PREX1: variants seen among roughly 807,000 people sequenced by gnomAD.
PREX1 encodes phosphatidylinositol-3,4,5-trisphosphate dependent Rac exchange factor 1, also known as phosphatidylinositol 3,4,5-trisphosphate-dependent Rac exchanger 1 protein.
PREX1 carries 41 observed loss-of-function variants against 198.3 expected under a neutral mutation model. That is an observed-to-expected ratio of 0.21 (90% CI 0.16 to 0.27). The LOEUF (loss-of-function observed/expected upper bound fraction) is 0.27. Ranked by LOEUF, PREX1 falls within the 10% of genes least tolerant of loss-of-function variation. The pLI is 1.00. For synonymous variants in PREX1, 843 were observed against 887.2 expected (o/e 0.95, Z 0.89); for missense variants, 1,620 against 2,200.7 (o/e 0.74, Z 5.28).
chr20:48,626,277 G>A (rs1257964976), intron 39 of PREX1, among the ~76,000 whole-genome samples: 1 of 152,200 alleles, frequency 6.6e-6, no homozygotes, highest in East Asian at 1.9e-4. Flanking sequence ...TCTATCCTGG[G>A]AAACTCTATA....
chr20:48,689,420 C>T (rs999774761), intron 9 of PREX1, among the ~76,000 whole-genome samples: 2 of 152,192 alleles, frequency 1.3e-5, no homozygotes, highest in Non-Finnish European at 2.9e-5. Context: ...CAGAGAAGTT[C>T]GGTTCTCTGC....
At chr20:48,774,864 G>GA (rs1301535527) in intron 1 of PREX1, among the ~76,000 whole-genome samples, 1 of 152,276 alleles carries the variant, frequency 6.6e-6, no homozygotes, top group East Asian at 1.9e-4. Context: ...GAACTCCATG[G>GA]AAACGCACAG....
At chr20:48,806,744 A>G (rs2090413489) in intron 1 of PREX1, among the ~76,000 whole-genome samples, 1 of 152,224 alleles carries the variant, frequency 6.6e-6, no homozygotes. Flanking sequence ...CAAGGGAGCA[A>G]CAAGCATTTA....
intron 1 of PREX1, among the ~76,000 whole-genome samples, chr20:48,826,603 C>G (rs1278284327): frequency 6.6e-6 from 1 of 152,220 alleles, no homozygotes; most frequent in Admixed American, 6.5e-5. Context: ...CGCCTGTAAT[C>G]CCTGCACTTT....
At chr20:48,852,470 T>G in the PREX1 span, among the ~76,000 whole-genome samples, 1 of 152,244 alleles carries the variant, frequency 6.6e-6, no homozygotes, top group Non-Finnish European at 1.5e-5. Flanking sequence ...ACCTATCTCT[T>G]GACCTAGCAA....
intron 25 of PREX1, among the ~76,000 whole-genome samples, chr20:48,646,867 G>A (rs770216536): frequency 1.9e-4 from 29 of 152,260 alleles, no homozygotes; most frequent in Admixed American, 3.3e-4. Flanking sequence ...TAAACTCTCG[G>A]AGACTCTGTT....
chr20:48,734,637 C>T lies in PREX1; in HGVS notation c.428G>A (p.Cys143Tyr), dbSNP rs771847148. The T allele has an allele frequency of 6.2e-7, 1 of 1,614,016 alleles. No individual in the cohort carries two copies. The highest frequency in any genetic ancestry group is 8.5e-7 in the Non-Finnish European group (1 of 1,179,898). The change falls in exon 4 of 40, where the codon TGC becomes TAC. Residue 143 changes from cysteine to tyrosine, a missense_variant. Physicochemically the swap from Cys to Tyr is radical, Grantham distance 194. Around this residue, in one of 7 missense-constraint regions of PREX1, gnomAD observed 488 missense variants for 802.5 expected, o/e 0.61. Coordinates refer to ENST00000371941, the MANE Select transcript of PREX1 (RefSeq NM_020820.4). ...NVFLKFKDKF[C>Y]VYEEYCSNHE... Reference sequence around the variant, plus strand: ...GTTGCTGCAATACTCCTCGTACACGCAGAACTTGTCCTTCTGCAAGACAAG... The same window carrying T: ...GTTGCTGCAATACTCCTCGTACACGTAGAACTTGTCCTTCTGCAAGACAAG...
chr20:48,753,072 G>C (rs1009967285), intron 1 of PREX1, among the ~76,000 whole-genome samples: 2 of 152,144 alleles, frequency 1.3e-5, no homozygotes, highest in Non-Finnish European at 2.9e-5. Flanking sequence ...TGGGGCATAA[G>C]AGAAGGACCA....
intron 14 of PREX1, among the ~76,000 whole-genome samples, chr20:48,667,586 C>T (rs886629035): frequency 4.6e-5 from 7 of 152,358 alleles, no homozygotes; most frequent in Admixed American, 3.9e-4. Context: ...GGTGGCATCT[C>T]TGTAAGCCAC....
chr20:48,788,029 G>A lies in PREX1; in HGVS notation c.219+39613C>T, dbSNP rs185107095. On this transcript the variant is annotated intron_variant, in intron 1 of 39. Transcript: ENST00000371941. ...AGATGGCGGAGGCTTCGAGATTAAC[G>A]CACCCAGGAATCAGCCACATCCAGC... 1.5e-3 allele frequency among the ~76,000 whole-genome samples: 230 copies of A among 152,280 alleles called. 2 individuals carry two copies. Among genetic ancestry groups the A allele is most frequent in the Middle Eastern group, 6.8e-3 (2 of 294 alleles).
At chr20:48,648,437 A>G (rs565096618) in intron 25 of PREX1, among the ~76,000 whole-genome samples, 2 of 152,280 alleles carry the variant, frequency 1.3e-5, no homozygotes, top group East Asian at 3.9e-4. Context: ...GCTGCTGAAC[A>G]TCCTCCGATG....
chr20:48,784,535 A>G (rs1038685305), intron 1 of PREX1, among the ~76,000 whole-genome samples: 2 of 152,146 alleles, frequency 1.3e-5, no homozygotes, highest in Non-Finnish European at 2.9e-5. Flanking sequence ...ATGAGTTCTC[A>G]GCAGCAGGCC....
At chr20:48,650,235 A>C (rs553792339) in intron 23 of PREX1, 29 bp from the exon 24 acceptor site, 2 of 1,574,996 alleles carry the variant, frequency 1.3e-6, no homozygotes, top group East Asian at 2.2e-5. Context: ...TAAGGTCGTG[A>C]ATCACAGGGC....
intron 18 of PREX1, among the ~76,000 whole-genome samples, chr20:48,655,953 T>C (rs567216187): frequency 5.5e-4 from 84 of 152,130 alleles, no homozygotes; most frequent in African/African-American, 2.0e-3. Context: ...TGCTGCACAA[T>C]TGTCCCTCCC....
the PREX1 span, among the ~76,000 whole-genome samples, chr20:48,886,110 C>T: frequency 6.6e-6 from 1 of 152,090 alleles, no homozygotes; most frequent in African/African-American, 2.4e-5. Flanking sequence ...TCAGTTGTAG[C>T]AAATATATTA....
intron 4 of PREX1, among the ~76,000 whole-genome samples, chr20:48,728,816 A>T (rs1469260349): frequency 2.6e-5 from 4 of 151,980 alleles, no homozygotes; most frequent in Non-Finnish European, 5.9e-5. Flanking sequence ...GTTTCACTTT[A>T]TTTTCTTTTA....
intron 33 of PREX1, among the ~76,000 whole-genome samples, chr20:48,634,038 A>AATGGATGCATGG (rs58285594): frequency 0.4 from 59,015 of 147,478 alleles, 11,796 homozygotes; most frequent in Middle Eastern, 0.53. Flanking sequence ...TCGATGGATG[A>AATGGATGCATGG]ATGGATGCAT....
intron 1 of PREX1, among the ~76,000 whole-genome samples, chr20:48,790,398 G>C (rs116825254): frequency 2.6e-5 from 4 of 152,020 alleles, no homozygotes; most frequent in Non-Finnish European, 5.9e-5. Flanking sequence ...AGGAAACAGA[G>C]GAACAAAAGG....
At chr20:48,804,602 G>A (rs2090402925) in intron 1 of PREX1, among the ~76,000 whole-genome samples, 1 of 152,356 alleles carries the variant, frequency 6.6e-6, no homozygotes, top group Non-Finnish European at 1.5e-5. Flanking sequence ...CGGGGGCTCA[G>A]ATAGGACGAA....
Sources: allele counts gnomAD v4.1 joint callset (sites outside exome capture counted in the v4.1 genomes callset), GRCh38; gene constraint gnomAD v4.1.1; regional missense constraint gnomAD v4.1.1; transcripts MANE v1.5; gene names NCBI Gene and HGNC (gene_info 2026-07-23, HGNC 2026-07-21).